The following CNOT2 variants were observed in gnomAD, a reference collection of about 807,000 sequenced individuals.
The protein encoded by CNOT2 is CCR4-NOT transcription complex subunit 2.
A neutral mutation model predicts 72.1 loss-of-function variants in CNOT2; 7 were observed. The observed-to-expected ratio is 0.10, with a 90% confidence interval of 0.06 to 0.18. The LOEUF (loss-of-function observed/expected upper bound fraction) is 0.18. Among genes scored for constraint, CNOT2 ranks in the 10% least tolerant of loss-of-function variants. The pLI is 1.00. For synonymous variants in CNOT2, 196 were observed against 225.6 expected (o/e 0.87, Z 1.17); for missense variants, 345 against 660.3 (o/e 0.52, Z 5.23).
chr12:70,317,212 A>G (rs1010725267), intron 3 of CNOT2, among the ~76,000 whole-genome samples: 9 of 152,142 alleles, frequency 5.9e-5, no homozygotes, highest in African/African-American at 1.4e-4. Flanking sequence ...AGGCCACTAC[A>G]TAATCATAAA....
intron 1 of CNOT2, among the ~76,000 whole-genome samples, chr12:70,247,179 T>C (rs79565442): frequency 6.6e-6 from 1 of 151,956 alleles, no homozygotes; most frequent in Non-Finnish European, 1.5e-5. Flanking sequence ...TTTTTTTTTT[T>C]CTTTGAGACG....
At chr12:70,266,906 ATTG>A (rs1363485466) in intron 1 of CNOT2, among the ~76,000 whole-genome samples, 1 of 151,546 alleles carries the variant, frequency 6.6e-6, no homozygotes, top group African/African-American at 2.4e-5. Context: ...TAATATAATT[ATTG>A]TTCTATTTGG....
At chr12:70,295,825 T>C (rs1292866974) in intron 2 of CNOT2, among the ~76,000 whole-genome samples, 1 of 152,186 alleles carries the variant, frequency 6.6e-6, no homozygotes, top group Admixed American at 6.5e-5. Flanking sequence ...TTAAAGCTTA[T>C]ATATTAATTG....
chr12:70,308,792 A>G (rs1875934107), intron 2 of CNOT2, among the ~76,000 whole-genome samples: 1 of 152,158 alleles, frequency 6.6e-6, no homozygotes, highest in South Asian at 2.1e-4. Flanking sequence ...GGTCTTGATG[A>G]TAAGTGTTAT....
chr12:70,291,694 T>C (rs929057793), intron 2 of CNOT2, among the ~76,000 whole-genome samples: 1 of 152,160 alleles, frequency 6.6e-6, no homozygotes, highest in Non-Finnish European at 1.5e-5. Flanking sequence ...TCCCAGCACT[T>C]TGGGAGGCTG....
chr12:70,313,992 C>G (rs1185421366), intron 3 of CNOT2, among the ~76,000 whole-genome samples: 1 of 152,116 alleles, frequency 6.6e-6, no homozygotes, highest in African/African-American at 2.4e-5. Context: ...ACTTTAACAT[C>G]TTGGGTAAGA....
At chr12:70,294,353 G>A (rs767158008) in intron 2 of CNOT2, 87 of 1,191,692 alleles carry the variant, frequency 7.3e-5, no homozygotes, top group Middle Eastern at 5.3e-4. Context: ...TATTTTGAGG[G>A]TGGATGTTGG....
At chr12:70,264,783 G>A (rs963996382) in intron 1 of CNOT2, among the ~76,000 whole-genome samples, 1 of 152,226 alleles carries the variant, frequency 6.6e-6, no homozygotes, top group Admixed American at 6.5e-5. Context: ...GAAAGGGGCA[G>A]TGTGGCTCAG....
chr12:70,294,334 T>C (rs1565778378), intron 2 of CNOT2: 1 of 1,272,964 alleles, frequency 7.9e-7, no homozygotes, highest in Non-Finnish European at 1.0e-6. Context: ...AAAATGGTAC[T>C]GTCATCAGTA....
chr12:70,335,628 TTACATGTACGTATACA>T, intron 8 of CNOT2, 65 bp downstream of exon 8: 1 of 1,217,788 alleles, frequency 8.2e-7, no homozygotes, highest in South Asian at 1.3e-5. Context: ...ACATATACAT[TTACATGTACGTATACA>T]TATGCTTGTG....
chr12:70,243,626 C>G (rs922532950), intron 1 of CNOT2, 146 bp downstream of exon 1: 1 of 151,552 alleles, frequency 6.6e-6, no homozygotes, highest in East Asian at 2.0e-4. Flanking sequence ...CCCACCGCTT[C>G]CCGTTGCTTT....
At chr12:70,302,656 T>C (rs1438688480) in intron 2 of CNOT2, among the ~76,000 whole-genome samples, 1 of 152,252 alleles carries the variant, frequency 6.6e-6, no homozygotes. Context: ...AACTTTGGAA[T>C]AGGTGTGGTG....
chr12:70,340,965 G>A (rs570759859), intron 11 of CNOT2, among the ~76,000 whole-genome samples: 1 of 147,882 alleles, frequency 6.8e-6, no homozygotes, highest in Non-Finnish European at 1.5e-5. Flanking sequence ...ATGCAATCTC[G>A]GGTCATTACA....
At chr12:70,277,030 GTT>G (rs1868944209) in intron 1 of CNOT2, among the ~76,000 whole-genome samples, 1 of 151,942 alleles carries the variant, frequency 6.6e-6, no homozygotes, top group African/African-American at 2.4e-5. Context: ...GTACATGTGT[GTT>G]TGTTGGTTTT....
At position 70,335,466 on chromosome 12, in the gene CNOT2, C is replaced by A; in HGVS notation, c.678C>A (p.Asp226Glu). 6.2e-7 allele frequency: 1 copy of A among 1,604,374 alleles called. No homozygotes were observed. Among genetic ancestry groups the A allele is most frequent in the Non-Finnish European group, 8.5e-7 (1 of 1,171,584 alleles). ...TDGSENVTGL[D>E]LSDFPALADR... The stretch of plus-strand genomic sequence containing the variant: ...GAAGTGAAAATGTGACAGGATTGGA[C>A]CTTTCAGATTTCCCAGCATTAGCAG... Residue 226 changes from aspartate to glutamate, a missense_variant, in exon 8 of 16, where the codon GAC (aspartate) becomes GAA (glutamate). By Grantham distance (45) the Asp-to-Glu change is conservative (BLOSUM62 2). Transcript: ENST00000229195.
At chr12:70,300,736 G>GT (rs1317859502) in intron 2 of CNOT2, among the ~76,000 whole-genome samples, 4 of 152,272 alleles carry the variant, frequency 2.6e-5, no homozygotes, top group Middle Eastern at 3.4e-3. Context: ...CTTTAAAGTA[G>GT]TTTTTTCCAA....
rs200347802 is a variant in CNOT2, at chr12:70,278,221, G to C, written c.-6G>C. On this transcript the variant is annotated 5_prime_UTR_variant, in exon 2 of 16. Coordinates refer to ENST00000229195, the MANE Select transcript of CNOT2 (RefSeq NM_014515.7). The stretch of plus-strand genomic sequence containing the variant: ...CTCCGGTACTGTGAGGAAAGGACAC[G>C]ACTCTATGGTGAGGACTGATGGACA... 1.9e-6 allele frequency: 3 copies of C among 1,609,830 alleles called. No homozygotes were observed. The Admixed American group carries it at 5.0e-5, about 27-fold the overall frequency.
intron 2 of CNOT2, among the ~76,000 whole-genome samples, chr12:70,281,857 T>TTAAATTAAATAAATTTAAACTCATG: frequency 6.6e-6 from 1 of 152,202 alleles, no homozygotes; most frequent in African/African-American, 2.4e-5. Context: ...TTAAACTCAT[T>TTAAATTAAATAAATTTAAACTCATG]TAAATTAAAT....
At chr12:70,271,419 G>A (rs1277352849) in intron 1 of CNOT2, among the ~76,000 whole-genome samples, 1 of 143,758 alleles carries the variant, frequency 7.0e-6, no homozygotes, top group Non-Finnish European at 1.5e-5. Context: ...TCTTGCCCAG[G>A]CTGGAGTGCA....
Sources: gnomAD v4.1 joint callset for allele counts (sites outside exome capture counted in the v4.1 genomes callset) on GRCh38, gnomAD v4.1.1 for gene constraint, MANE v1.5 for transcripts, NCBI Gene and HGNC (gene_info 2026-07-23, HGNC 2026-07-21) for gene names.